MEI4: variants seen among roughly 807,000 people sequenced by gnomAD.
MEI4 encodes meiosis-specific protein MEI4.
A neutral mutation model predicts 31.4 loss-of-function variants in MEI4; 27 were observed. The observed-to-expected ratio is 0.86, with a 90% confidence interval of 0.63 to 1.19. The LOEUF (loss-of-function observed/expected upper bound fraction) is 1.19, where lower values mean the gene tolerates loss of function less well. Among genes scored for constraint, MEI4 ranks in the 50% most tolerant of loss-of-function variants. The pLI, the probability that MEI4 is intolerant of heterozygous loss-of-function variation, is 0.00. For synonymous variants in MEI4, 122 were observed against 145.4 expected, an observed-to-expected ratio of 0.84 and a Z score of 1.16; for missense variants, 329 against 398.9, an observed-to-expected ratio of 0.82 and a Z score of 1.49.
intron 4 of MEI4, among the ~76,000 whole-genome samples, chr6:77,868,498 A>AATATATATATATATATAT (rs1771107590): frequency 1.4e-4 from 2 of 14,602 alleles, no homozygotes; most frequent in African/African-American, 2.6e-4. Context: ...TGTAAAAAAT[A>AATATATATATATATATAT]CTACATATAT....
rs10455340 is a variant in MEI4, at chr6:77,771,411, A to G, written c.768+9746A>G. 7.9e-5 allele frequency among the ~76,000 whole-genome samples: 12 copies of G among 152,044 alleles called. No individual in the cohort carries two copies. In the East Asian group the frequency reaches 2.3e-3, roughly 29 times the overall value. On this transcript the variant is annotated intron_variant, in intron 3 of 4. Coordinates refer to ENST00000684080, the MANE Select transcript of MEI4 (RefSeq NM_001322247.2). ...TCTAAAGAACTAAAAAGGAATTACT[A>G]TTTTACCTGGAAATTTCATTATTGG...
intron 1 of MEI4, among the ~76,000 whole-genome samples, chr6:77,676,525 CAATAAT>C (rs577541362): frequency 2.6e-5 from 4 of 151,552 alleles, no homozygotes; most frequent in South Asian, 2.1e-4. Flanking sequence ...AGACCCATTT[CAATAAT>C]AATAATAATA....
chr6:77,668,269 T>G (rs1229462058), intron 1 of MEI4, among the ~76,000 whole-genome samples: 1 of 152,176 alleles, frequency 6.6e-6, no homozygotes, highest in African/African-American at 2.4e-5. Flanking sequence ...GAGGGTGATT[T>G]GGGAAAGTGA....
rs991892820 is a variant in MEI4, at chr6:77,924,053, A to G, written c.*707A>G. ...TCTTGTAATTGTTAAATAGTATACA[A>G]TTAAGTCACTAGACATATTTTATAA... On this transcript the variant is annotated 3_prime_UTR_variant, in exon 5 of 5. Coordinates refer to ENST00000684080, the MANE Select transcript of MEI4 (RefSeq NM_001322247.2). The G allele has an allele frequency of 2.0e-5, 3 of 151,764 alleles. No homozygotes were observed. Among genetic ancestry groups the G allele is most frequent in the Admixed American group, 6.6e-5 (1 of 15,194 alleles). 9.4% of individuals were successfully genotyped at this position (151,764 alleles called of 1,614,324 possible).
In MEI4 at chr6:77,923,349, C is replaced by G. The variant is rs746984476; in HGVS notation, c.*3C>G. The stretch of plus-strand genomic sequence containing the variant: ...AGATAGAAACTCTTAGAAAATAACT[C>G]CATTCCTTAGCAATTTACCACGTTT... On this transcript the variant is annotated 3_prime_UTR_variant, in exon 5 of 5. Transcript: ENST00000684080. The G allele has an allele frequency of 3.7e-5, 46 of 1,229,288 alleles. No homozygotes were observed. The highest frequency in any genetic ancestry group is 4.4e-5 in the Non-Finnish European group (43 of 986,096). The allele number at this position is 1,229,288 out of a possible 1,614,324, so 76.1% of individuals were successfully genotyped here. A position where few individuals can be genotyped will look rare whatever the true frequency, so the allele number is the denominator to read the frequency against.
intron 3 of MEI4, among the ~76,000 whole-genome samples, chr6:77,811,578 C>A (rs895656088): frequency 2.0e-5 from 3 of 151,976 alleles, no homozygotes; most frequent in Non-Finnish European, 4.4e-5. Context: ...GAGATCAAGA[C>A]ATCCTGGCCA....
At chr6:77,791,168 C>T (rs1346823301) in intron 3 of MEI4, among the ~76,000 whole-genome samples, 1 of 152,062 alleles carries the variant, frequency 6.6e-6, no homozygotes, top group African/African-American at 2.4e-5. Flanking sequence ...TTGACCCAGC[C>T]ATCCCATTAC....
At chr6:77,878,221 T>G (rs1001408835) in intron 4 of MEI4, among the ~76,000 whole-genome samples, 1 of 151,716 alleles carries the variant, frequency 6.6e-6, no homozygotes, top group Non-Finnish European at 1.5e-5. Context: ...AGTAAATACA[T>G]AAAAAAACCT....
At chr6:77,653,355 C>T (rs1768332723) in intron 1 of MEI4, among the ~76,000 whole-genome samples, 1 of 152,148 alleles carries the variant, frequency 6.6e-6, no homozygotes, top group South Asian at 2.1e-4. Flanking sequence ...TTGGAGGAAC[C>T]ACAGTGAGCA....
chr6:77,887,067 T>C (rs572942057), intron 4 of MEI4, among the ~76,000 whole-genome samples: 1 of 152,218 alleles, frequency 6.6e-6, no homozygotes, highest in South Asian at 2.1e-4. Flanking sequence ...TTGAAATTTT[T>C]CTACTTTTTG....
At chr6:77,735,515 T>A (rs969189641) in intron 2 of MEI4, among the ~76,000 whole-genome samples, 15 of 152,048 alleles carry the variant, frequency 9.9e-5, no homozygotes, top group Non-Finnish European at 5.9e-5. Context: ...CTGTATTGGT[T>A]ATTCTAGTTA....
intron 4 of MEI4, among the ~76,000 whole-genome samples, chr6:77,899,567 G>T (rs552588841): frequency 6.6e-6 from 1 of 152,126 alleles, no homozygotes; most frequent in South Asian, 2.1e-4. Flanking sequence ...GAATGTTCAG[G>T]CAAAACACCT....
intron 3 of MEI4, among the ~76,000 whole-genome samples, chr6:77,778,706 CAAATAAATAAATAAATAAATAAAT>C (rs71546067): frequency 6.9e-6 from 1 of 145,688 alleles, no homozygotes; most frequent in Non-Finnish European, 1.5e-5. Flanking sequence ...GACCCTGTCT[CAAATAAATAAATAAATAAATAAAT>C]AAATAAATAA....
At chr6:77,747,735 A>T (rs2127676201) in intron 2 of MEI4, among the ~76,000 whole-genome samples, 1 of 152,278 alleles carries the variant, frequency 6.6e-6, no homozygotes, top group South Asian at 2.1e-4. Context: ...TCCCTTTGCA[A>T]CAGTCCCCCA....
chr6:77,920,605 A>G (rs954371242), intron 4 of MEI4, among the ~76,000 whole-genome samples: 4 of 151,904 alleles, frequency 2.6e-5, no homozygotes, highest in African/African-American at 9.7e-5. Flanking sequence ...CCCTTCCGGA[A>G]GGTTTCCAAT....
intron 1 of MEI4, among the ~76,000 whole-genome samples, chr6:77,679,313 T>C (rs1317904243): frequency 6.6e-6 from 1 of 152,226 alleles, no homozygotes; most frequent in Non-Finnish European, 1.5e-5. Flanking sequence ...AAGTGCCCTA[T>C]ACAGGTATAC....
chr6:77,730,460 T>C (rs559590053), intron 2 of MEI4, among the ~76,000 whole-genome samples: 1 of 152,256 alleles, frequency 6.6e-6, no homozygotes, highest in South Asian at 2.1e-4. Flanking sequence ...CTGCAAGTTT[T>C]TGACCCTTAA....
chr6:77,689,658 C>T (rs1048625777), intron 1 of MEI4, among the ~76,000 whole-genome samples: 10 of 151,934 alleles, frequency 6.6e-5, no homozygotes, highest in Admixed American at 2.6e-4. Context: ...TACAGGAGTA[C>T]ACTTGGGCTG....
At chr6:77,821,296 T>C (rs1198734915) in intron 3 of MEI4, among the ~76,000 whole-genome samples, 4 of 152,322 alleles carry the variant, frequency 2.6e-5, no homozygotes, top group African/African-American at 7.2e-5. Context: ...CTTGGTCAAC[T>C]TTTATTATTA....
Sources: allele counts gnomAD v4.1 joint callset (sites outside exome capture counted in the v4.1 genomes callset), GRCh38; gene constraint gnomAD v4.1.1; transcripts MANE v1.5; gene names NCBI Gene and HGNC (gene_info 2026-07-23, HGNC 2026-07-21).